MYT1L: variants seen among roughly 807,000 people sequenced by gnomAD.
The protein encoded by MYT1L is myelin transcription factor 1-like protein.
In MYT1L, 12 loss-of-function variants were observed where a neutral mutation model predicts 126.7. The observed-to-expected ratio is 0.09, with a 90% CI of 0.06 to 0.15. MYT1L has a LOEUF of 0.15. Among genes scored for constraint, MYT1L ranks in the 10% least tolerant of loss-of-function variants. The pLI is 1.00. For missense variants in MYT1L, 979 were observed against 1,585.2 expected (o/e 0.62, Z 6.49); for synonymous variants, 541 against 604.2 (o/e 0.90, Z 1.53).
chr2:2,137,191 G>A (rs1195977872), intron 3 of MYT1L, among the ~76,000 whole-genome samples: 2 of 152,142 alleles, frequency 1.3e-5, no homozygotes, highest in East Asian at 3.9e-4. Flanking sequence ...AATAGAAGAG[G>A]ATACAAACAA....
At chr2:2,184,556 TA>T (rs914627619) in intron 2 of MYT1L, among the ~76,000 whole-genome samples, 2 of 152,120 alleles carry the variant, frequency 1.3e-5, no homozygotes, top group African/African-American at 4.8e-5. Flanking sequence ...TTTCATCAAG[TA>T]AAAATCTCCA....
At chr2:1,829,991 G>A (rs1006829283) in intron 21 of MYT1L, among the ~76,000 whole-genome samples, 3 of 152,236 alleles carry the variant, frequency 2.0e-5, no homozygotes, top group African/African-American at 7.2e-5. Context: ...CTTAGGAGCT[G>A]TGTGTGCAGC....
At chr2:2,001,657 G>A (rs549098975) in intron 4 of MYT1L, among the ~76,000 whole-genome samples, 7 of 152,230 alleles carry the variant, frequency 4.6e-5, no homozygotes, top group Non-Finnish European at 8.8e-5. Flanking sequence ...TACACAATTT[G>A]GCCATTTTTG....
At position 1,892,026 on chromosome 2, in the gene MYT1L, G is replaced by C. The variant is rs1005231836; in HGVS notation, c.2283+11C>G. On this transcript the variant is annotated intron_variant, in intron 15 of 24. Coordinates refer to ENST00000647738, the MANE Select transcript of MYT1L (RefSeq NM_001303052.2). Reference sequence around the variant, plus strand: ...CCCGCCAGGTGGCTCCACCTGCCCAGGCGCGCGTACCCGCGTGGCGCACAG... The same window carrying C: ...CCCGCCAGGTGGCTCCACCTGCCCACGCGCGCGTACCCGCGTGGCGCACAG... 2.6e-6 allele frequency: 4 copies of C among 1,511,396 alleles called. No individual in the cohort carries two copies. In the African/African-American group the frequency reaches 5.5e-5, roughly 21 times the overall value. 93.6% of individuals were successfully genotyped at this position (1,511,396 alleles called of 1,614,324 possible).
intron 3 of MYT1L, among the ~76,000 whole-genome samples, chr2:2,070,152 C>T (rs1466533447): frequency 6.6e-6 from 1 of 152,094 alleles, no homozygotes; most frequent in Admixed American, 6.5e-5. Context: ...ATTTCTACTA[C>T]ATCCCCAAAA....
At chr2:2,214,228 A>C (rs1469903043) in intron 2 of MYT1L, among the ~76,000 whole-genome samples, 1 of 151,820 alleles carries the variant, frequency 6.6e-6, no homozygotes, top group Non-Finnish European at 1.5e-5. Context: ...AATCAGAATA[A>C]CCTAAAAAAA....
At chr2:2,089,713 T>C (rs1232670885) in intron 3 of MYT1L, among the ~76,000 whole-genome samples, 1 of 152,048 alleles carries the variant, frequency 6.6e-6, no homozygotes, top group East Asian at 1.9e-4. Flanking sequence ...ACAGACCTGG[T>C]TCAGTTATTA....
In MYT1L at chr2:2,284,536, T is replaced by C. The variant is rs531656644; in HGVS notation, c.-520-33A>G. On this transcript the variant is annotated intron_variant, in intron 1 of 24. Coordinates refer to ENST00000647738, the MANE Select transcript of MYT1L (RefSeq NM_001303052.2). ...TAAGAGAAGAGGAAGAAATGGTTAATGGAACTGGGACTCTTTTCTCTTGAG... is the reference window on the plus strand; with the variant it reads ...TAAGAGAAGAGGAAGAAATGGTTAACGGAACTGGGACTCTTTTCTCTTGAG... 3 of 152,322 alleles carry C rather than the reference T, an allele frequency of 2.0e-5. No homozygotes were observed. In the East Asian group the frequency reaches 5.8e-4, roughly 30 times the overall value. The allele number at this position is 152,322 out of a possible 1,614,324, so 9.4% of individuals were successfully genotyped here.
rs1558569398 is a variant in MYT1L, at chr2:1,793,796, CTTTGGGGTTA to C, written c.3277-1342_3277-1333del. On this transcript the variant is annotated intron_variant, in intron 23 of 24. Coordinates refer to ENST00000647738, the MANE Select transcript of MYT1L (RefSeq NM_001303052.2). This position sits in a 1 kb window ranked among gnomAD's most constrained non-coding sequence, Gnocchi z 4.6. ...CCTGGGTGACCTTCTCATTCGTGTT[CTTTGGGGTTA>C]TTTATCAAATTAATGTTCCCCTCCC... 6.6e-6 allele frequency among the ~76,000 whole-genome samples: 1 copy of C among 152,140 alleles called. No individual in the cohort carries two copies. Among genetic ancestry groups the C allele is most frequent in the Admixed American group, 6.5e-5 (1 of 15,284 alleles).
intron 2 of MYT1L, among the ~76,000 whole-genome samples, chr2:2,194,648 A>T (rs2092722302): frequency 6.6e-6 from 1 of 151,998 alleles, no homozygotes; most frequent in Admixed American, 6.6e-5. Context: ...GGAAACTGAC[A>T]CTTGTCTGGC....
chr2:2,206,912 A>G (rs1464405864), intron 2 of MYT1L, among the ~76,000 whole-genome samples: 5 of 152,248 alleles, frequency 3.3e-5, no homozygotes, highest in Non-Finnish European at 4.4e-5. Flanking sequence ...GTGTCCCTAC[A>G]TGCAAGAAGG....
At chr2:2,185,126 A>T (rs1318395705) in intron 2 of MYT1L, among the ~76,000 whole-genome samples, 10 of 152,126 alleles carry the variant, frequency 6.6e-5, no homozygotes, top group Admixed American at 6.6e-4. Flanking sequence ...ATATCCATCC[A>T]ATAACTCTCT....
At chr2:1,870,439 G>C (rs553703309) in intron 18 of MYT1L, among the ~76,000 whole-genome samples, 1 of 152,314 alleles carries the variant, frequency 6.6e-6, no homozygotes, top group East Asian at 1.9e-4. Context: ...CAAACACACA[G>C]CAGGACAGGA....
chr2:2,306,091 G>T (rs145275182), intron 1 of MYT1L: 16 of 152,204 alleles, frequency 1.1e-4, no homozygotes, highest in African/African-American at 3.9e-4. Flanking sequence ...TCTTTGCCAT[G>T]AACCCGAGTG....
chr2:2,121,218 C>G (rs189252226), intron 3 of MYT1L, among the ~76,000 whole-genome samples: 156 of 152,366 alleles, frequency 1.0e-3, no homozygotes, highest in Non-Finnish European at 2.0e-3. Flanking sequence ...GCAGCCCAGG[C>G]TGGAGTGCAA....
chr2:1,929,010 CT>C lies in MYT1L; in HGVS notation c.506-5748del, dbSNP rs1184835532. ...GGGGTACAGGACAGGCCTGGACCCC[CT>C]GACTCTTATGCAGGCAGTGGTCGCA... On this transcript the variant is annotated intron_variant, in intron 9 of 24. Transcript: ENST00000647738. The surrounding 1 kb of genome is among the most constrained non-coding windows in gnomAD (Gnocchi z 4.7). 6.6e-6 allele frequency among the ~76,000 whole-genome samples: 1 copy of C among 152,102 alleles called. No individual in the cohort carries two copies. Among genetic ancestry groups the C allele is most frequent in the African/African-American group, 2.4e-5 (1 of 41,408 alleles).
intron 18 of MYT1L, among the ~76,000 whole-genome samples, chr2:1,881,510 A>T (rs1165003879): frequency 6.6e-6 from 1 of 152,168 alleles, no homozygotes; most frequent in Admixed American, 6.5e-5. Context: ...TAAAACTCCA[A>T]TAGGCTGTAT....
Position 1,791,504 on chromosome 2 carries a change from T to A in MYT1L, c.*363A>T. ...TGTGTGTTTGTGTGTCCATTTCAGT[T>A]CAAAATACTAAAACATTTAATCACT... On this transcript the variant is annotated 3_prime_UTR_variant, in exon 25 of 25. Transcript: ENST00000647738. This position sits in a 1 kb window ranked among gnomAD's most constrained non-coding sequence, Gnocchi z 6.0. The A allele has an allele frequency of 3.1e-6, 1 of 323,598 alleles. No individual in the cohort carries two copies. Among genetic ancestry groups the A allele is most frequent in the South Asian group, 2.7e-5 (1 of 36,556 alleles). 20.0% of individuals were successfully genotyped at this position (323,598 alleles called of 1,614,324 possible).
intron 1 of MYT1L, among the ~76,000 whole-genome samples, chr2:2,313,652 G>T (rs1371869202): frequency 6.6e-6 from 1 of 152,000 alleles, no homozygotes; most frequent in Non-Finnish European, 1.5e-5. Flanking sequence ...AGTGCCAAGG[G>T]TGTGGCTATA....
Sources: gnomAD v4.1 joint callset for allele counts (sites outside exome capture counted in the v4.1 genomes callset) on GRCh38, gnomAD v4.1.1 for gene constraint, Gnocchi (gnomAD v3.1) non-coding constraint, MANE v1.5 for transcripts, NCBI Gene and HGNC (gene_info 2026-07-23, HGNC 2026-07-21) for gene names.